Variants in CEP152 observed in about 807,000 individuals in gnomAD.
The protein encoded by CEP152 is centrosomal protein of 152 kDa.
In CEP152, 132 loss-of-function variants were observed where a neutral mutation model predicts 188.9. The ratio of observed to expected loss-of-function variants is 0.70; its 90% CI spans 0.61 to 0.81. The LOEUF is 0.81. Among genes scored for constraint, CEP152 ranks in the 30% least tolerant of loss-of-function variants. The pLI is 0.00. For synonymous variants in CEP152, 649 were observed against 666.6 expected (o/e 0.97, Z 0.41); for missense variants, 1,914 against 1,969.8 (o/e 0.97, Z 0.54).
intron 7 of CEP152, among the ~76,000 whole-genome samples, chr15:48,792,908 C>T (rs929998069): frequency 6.6e-6 from 1 of 151,918 alleles, no homozygotes; most frequent in Non-Finnish European, 1.5e-5. Flanking sequence ...CCTCCGCCTG[C>T]AGGTTCAGGT....
intron 11 of CEP152, among the ~76,000 whole-genome samples, 156 bp downstream of exon 11, chr15:48,781,983 C>T (rs1402157822): frequency 6.6e-6 from 1 of 152,088 alleles, no homozygotes; most frequent in Non-Finnish European, 1.5e-5. Flanking sequence ...TTTGACTTGC[C>T]AACTGTGTGA....
chr15:48,737,432 A>G (rs1892661457), downstream of CEP152, among the ~76,000 whole-genome samples: 1 of 152,230 alleles, frequency 6.6e-6, no homozygotes, highest in Non-Finnish European at 1.5e-5. Context: ...TCTTCAGTTT[A>G]GAATTATAAC....
At chr15:48,789,944 C>T (rs140318531) in intron 8 of CEP152, among the ~76,000 whole-genome samples, 1 of 152,306 alleles carries the variant, frequency 6.6e-6, no homozygotes, top group East Asian at 1.9e-4. Flanking sequence ...TCATCTGTTA[C>T]AGCAGCAATA....
At chr15:48,809,426 G>A (rs933879792) in intron 1 of CEP152, among the ~76,000 whole-genome samples, 13 of 152,162 alleles carry the variant, frequency 8.5e-5, no homozygotes, top group African/African-American at 1.4e-4. Context: ...AATAAATTCC[G>A]TAGTAGATGA....
chr15:48,781,110 C>A, intron 12 of CEP152, 86 bp downstream of exon 12: 3 of 1,164,286 alleles, frequency 2.6e-6, no homozygotes, highest in Non-Finnish European at 2.6e-6. Context: ...GAAAATAATA[C>A]GCTCTCACCT....
chr15:48,748,683 AGAC>A, intron 21 of CEP152, 73 bp from the exon 22 acceptor site: 3 of 1,095,540 alleles, frequency 2.7e-6, no homozygotes, highest in Non-Finnish European at 3.6e-6. Flanking sequence ...AAAAAAAAAA[AGAC>A]AGAAAGAAAA....
In CEP152 at chr15:48,793,449, T is replaced by A. The variant is rs767880132; in HGVS notation, c.704A>T (p.Asn235Ile). The A allele has an allele frequency of 8.1e-6, 13 of 1,613,092 alleles. No homozygotes were observed. The highest frequency in any genetic ancestry group is 1.7e-5 in the Admixed American group (1 of 60,022). ...AACCTGAAGTTGAATAATCTGCATA[T>A]TTTCTGCAGAGTCTGGGAATTAAAG... ...FLGANENSAE[N>I]MQIIQLQVLN... The change falls in exon 7 of 27, where the codon AAT (asparagine) becomes ATT (isoleucine). Residue 235 changes from asparagine to isoleucine, a missense_variant. Asn to Ile is a moderately radical substitution (Grantham distance 149, BLOSUM62 -3). Coordinates refer to ENST00000380950, the MANE Select transcript of CEP152 (RefSeq NM_001194998.2).
intron 2 of CEP152, among the ~76,000 whole-genome samples, chr15:48,802,081 C>G (rs902420973): frequency 1.3e-5 from 2 of 149,324 alleles, no homozygotes; most frequent in Admixed American, 6.6e-5. Flanking sequence ...CAGAGCGAGA[C>G]TCCATCTCAA....
intron 18 of CEP152, among the ~76,000 whole-genome samples, chr15:48,762,129 T>C (rs1024826705): frequency 1.3e-5 from 2 of 152,236 alleles, no homozygotes; most frequent in South Asian, 4.1e-4. Flanking sequence ...TCTTTAACCT[T>C]GGGCATCTTA....
chr15:48,772,560 T>A lies in CEP152; in HGVS notation c.1709A>T (p.Asp570Val). The A allele has an allele frequency of 6.2e-7, 1 of 1,614,130 alleles. No individual in the cohort carries two copies. The highest frequency in any genetic ancestry group is 8.5e-7 in the Non-Finnish European group (1 of 1,180,008). ...AATTTTCTTATGACAGTCTTTGAGG[T>A]CATTTTGTAACTGAGACACCAGATG... Reference protein sequence around the residue: ...KRHLVSQLQNDLKDCHKKIED... With the variant: ...KRHLVSQLQNVLKDCHKKIED... Residue 570 changes from aspartate to valine, a missense_variant, in exon 13 of 27, where the codon GAC becomes GTC. Coordinates refer to ENST00000380950, the MANE Select transcript of CEP152 (RefSeq NM_001194998.2).
At chr15:48,777,790 A>C (rs1218669106) in intron 12 of CEP152, among the ~76,000 whole-genome samples, 1 of 152,150 alleles carries the variant, frequency 6.6e-6, no homozygotes, top group African/African-American at 2.4e-5. Context: ...CGGTTAACAA[A>C]TTATGCATCC....
chr15:48,805,630 C>T lies in CEP152; in HGVS notation c.20G>A (p.Ser7Asn). The T allele has an allele frequency of 6.2e-7, 1 of 1,609,326 alleles. No homozygotes were observed. Among genetic ancestry groups the T allele is most frequent in the Non-Finnish European group, 8.5e-7 (1 of 1,177,836 alleles). MSLDFG[S>N]VALPVQNEDE... ...TTCATTTTGCACTGGTAGTGCCACA[C>T]TGCCAAAGTCTAATGACATGGTCCT... The change falls in exon 2 of 27, where the codon AGT becomes AAT. Residue 7 changes from serine (S) to asparagine (N), a missense_variant. Coordinates refer to ENST00000380950, the MANE Select transcript of CEP152 (RefSeq NM_001194998.2).
chr15:48,742,899 C>T (rs534615925), intron 24 of CEP152, among the ~76,000 whole-genome samples: 3 of 152,154 alleles, frequency 2.0e-5, no homozygotes, highest in South Asian at 2.1e-4. Context: ...ATACAGGAAT[C>T]TTCCTGTTAA....
chr15:48,778,145 C>T (rs1896035193), intron 12 of CEP152, among the ~76,000 whole-genome samples: 1 of 152,210 alleles, frequency 6.6e-6, no homozygotes, highest in Non-Finnish European at 1.5e-5. Context: ...GATTTAGCTA[C>T]TCAAATTCCA....
At chr15:48,803,189 C>T (rs1397490976) in intron 2 of CEP152, among the ~76,000 whole-genome samples, 1 of 152,218 alleles carries the variant, frequency 6.6e-6, no homozygotes, top group Non-Finnish European at 1.5e-5. Flanking sequence ...CAGTTATAAC[C>T]TAGCCACAAT....
chr15:48,773,795 A>G (rs532237103), intron 12 of CEP152, among the ~76,000 whole-genome samples: 1 of 152,232 alleles, frequency 6.6e-6, no homozygotes, highest in Non-Finnish European at 1.5e-5. Flanking sequence ...ATTCCAAGTA[A>G]CTTGTGTGTC....
intron 13 of CEP152, among the ~76,000 whole-genome samples, 159 bp downstream of exon 13, chr15:48,772,328 T>C (rs1447409905): frequency 6.6e-6 from 1 of 152,092 alleles, no homozygotes; most frequent in Admixed American, 6.6e-5. Context: ...GGAGCATCGC[T>C]TTAGCCTGGG....
Position 48,799,475 on chromosome 15 carries a change from GT to G in CEP152, c.88-1425del, listed in dbSNP as rs969643710. Among the ~76,000 whole-genome samples, 132 of 152,184 alleles carry G rather than the reference GT, an allele frequency of 8.7e-4. 2 individuals carry two copies. Among genetic ancestry groups the G allele is most frequent in the African/African-American group, 3.1e-3 (129 of 41,534 alleles). ...TTTATTTCTCATATTCACTGGATGG[GT>G]TTTTTTTAAAGGGTTTCTCAATCCA... On this transcript the variant is annotated intron_variant, in intron 2 of 26. Transcript: ENST00000380950.
At chr15:48,777,848 G>A (rs1050089974) in intron 12 of CEP152, among the ~76,000 whole-genome samples, 25 of 152,122 alleles carry the variant, frequency 1.6e-4, no homozygotes, top group African/African-American at 6.0e-4. Flanking sequence ...AGCACATCCT[G>A]TACTCCTAGA....
Sources: allele counts gnomAD v4.1 joint callset (sites outside exome capture counted in the v4.1 genomes callset), GRCh38; gene constraint gnomAD v4.1.1; transcripts MANE v1.5; gene names NCBI Gene and HGNC (gene_info 2026-07-23, HGNC 2026-07-21).